RNF168: variants seen among roughly 807,000 people sequenced by gnomAD.
RNF168 encodes ring finger protein 168.
A neutral mutation model predicts 34.9 loss-of-function variants in RNF168; 34 were observed. The ratio of observed to expected loss-of-function variants is 0.97; its 90% CI spans 0.74 to 1.30. The LOEUF (loss-of-function observed/expected upper bound fraction) is 1.30. Among genes scored for constraint, RNF168 ranks in the 50% most tolerant of loss-of-function variants. RNF168 has a pLI of 0.00. For synonymous variants in RNF168, 264 were observed against 254.7 expected (o/e 1.04, Z -0.35); for missense variants, 725 against 682.5 (o/e 1.06, Z -0.69).
chr3:196,487,342 C>T, intron 3 of RNF168, 57 bp downstream of exon 3: 2 of 1,402,492 alleles, frequency 1.4e-6, no homozygotes, highest in Non-Finnish European at 2.0e-6. Context: ...TGAGCGGGTT[C>T]TGCAGCAGCG....
Position 196,472,315 on chromosome 3 carries a change from C to T in RNF168, c.1220G>A (p.Arg407Lys). The change falls in exon 6 of 6, where the codon AGA (arginine) becomes AAA (lysine). Residue 407 changes from arginine (R) to lysine (K), a missense_variant. Arg to Lys is a conservative substitution (Grantham distance 26). Transcript: ENST00000318037. ...GGAAGATTCGGGGGACACTTTTCTTCTTTTTGCAGAAAAGCATGGATCCTT... is the reference window on the plus strand; with the variant it reads ...GGAAGATTCGGGGGACACTTTTCTTTTTTTTGCAGAAAAGCATGGATCCTT... Reference protein sequence around the residue: ...AVKDPCFSAKRRKVSPESSPD... With the variant: ...AVKDPCFSAKKRKVSPESSPD... 1 of 1,614,008 alleles carries T rather than the reference C, an allele frequency of 6.2e-7. No individual in the cohort carries two copies. Among genetic ancestry groups the T allele is most frequent in the East Asian group, 2.2e-5 (1 of 44,886 alleles).
At chr3:196,473,680 C>T (rs971546495) in intron 5 of RNF168, among the ~76,000 whole-genome samples, 9 of 152,098 alleles carry the variant, frequency 5.9e-5, no homozygotes, top group African/African-American at 1.7e-4. Context: ...CATGATGAAA[C>T]CCCATCTCTA....
Position 196,471,942 on chromosome 3 carries a change from A to G in RNF168, c.1593T>C (p.Val531=). Residue 531 remains valine, a synonymous_variant, in exon 6 of 6, where the codon GTT becomes GTC. Transcript: ENST00000318037. ...TAGAATTTGGCATCTTTCTTCTATTAACTGACTGCTTCAACTGCATCTTTA... is the reference window on the plus strand; with the variant it reads ...TAGAATTTGGCATCTTTCTTCTATTGACTGACTGCTTCAACTGCATCTTTA... ...VSLKMQLKQS[V]NRRKMPNSTR... 6.2e-7 allele frequency: 1 copy of G among 1,614,066 alleles called. No individual in the cohort carries two copies. Among genetic ancestry groups the G allele is most frequent in the Non-Finnish European group, 8.5e-7 (1 of 1,179,914 alleles).
At chr3:196,495,968 CAT>C (rs1193335096) in intron 1 of RNF168, among the ~76,000 whole-genome samples, 1 of 152,178 alleles carries the variant, frequency 6.6e-6, no homozygotes, top group Admixed American at 6.5e-5. Context: ...AAAGCTATCT[CAT>C]ATGTGCTTTC....
Position 196,472,665 on chromosome 3 carries a change from T to C in RNF168, c.870A>G (p.Ala290=), listed in dbSNP as rs781535971. The C allele has an allele frequency of 2.2e-5, 36 of 1,606,242 alleles. No individual in the cohort carries two copies. The highest frequency in any genetic ancestry group is 3.0e-5 in the Non-Finnish European group (35 of 1,173,474). The part of the protein sequence containing the change: ...QISLGVGEQG[A]DSSIESPMPW... Reference sequence around the variant, plus strand: ...GCATAGGGGACTCTATTGAAGAATCTGCACCTTGTTCTCCAACTCCAAGGG... The same window carrying C: ...GCATAGGGGACTCTATTGAAGAATCCGCACCTTGTTCTCCAACTCCAAGGG... The change falls in exon 6 of 6, where the codon GCA becomes GCG. Residue 290 remains alanine, a synonymous_variant. Transcript: ENST00000318037.
In RNF168 at chr3:196,471,727, A is replaced by G. The variant is rs546134516; in HGVS notation, c.*92T>C. Reference sequence around the variant, plus strand: ...AGGACAATGAGTGTGCCTAGAGAGCAGCATGAATGACACATGGATGAAGAT... The same window carrying G: ...AGGACAATGAGTGTGCCTAGAGAGCGGCATGAATGACACATGGATGAAGAT... On this transcript the variant is annotated 3_prime_UTR_variant, in exon 6 of 6. Transcript: ENST00000318037. The G allele has an allele frequency of 5.8e-6, 5 of 858,918 alleles. No homozygotes were observed. In the Admixed American group the frequency reaches 7.3e-5, roughly 12 times the overall value. The allele number at this position is 858,918 out of a possible 1,614,324, so 53.2% of individuals were successfully genotyped here.
intron 1 of RNF168, among the ~76,000 whole-genome samples, chr3:196,490,969 T>C (rs1253072572): frequency 4.6e-5 from 7 of 152,096 alleles, no homozygotes; most frequent in Admixed American, 4.6e-4. Context: ...ACCCTGGAGG[T>C]ATCTGAGACT....
intron 1 of RNF168, among the ~76,000 whole-genome samples, chr3:196,497,667 C>CAA (rs112193501): frequency 7.4e-6 from 1 of 135,992 alleles, no homozygotes; most frequent in Non-Finnish European, 1.6e-5. Flanking sequence ...ATTCAGTCTC[C>CAA]AAAAAAAAAA....
At chr3:196,478,691 G>A (rs372515352) in intron 4 of RNF168, among the ~76,000 whole-genome samples, 1 of 141,162 alleles carries the variant, frequency 7.1e-6, no homozygotes, top group African/African-American at 3.2e-5. Flanking sequence ...TTGGGGGACA[G>A]AGTCTCACTC....
chr3:196,476,397 T>G (rs1245258820), intron 4 of RNF168, among the ~76,000 whole-genome samples: 1 of 151,784 alleles, frequency 6.6e-6, no homozygotes, highest in Non-Finnish European at 1.5e-5. Flanking sequence ...TTATCATACA[T>G]ACTTTTATAT....
Position 196,500,235 on chromosome 3 carries a change from C to T in RNF168, c.301+2638G>A, listed in dbSNP as rs115321043. 6.6e-3 allele frequency among the ~76,000 whole-genome samples: 999 copies of T among 152,226 alleles called. 7 individuals are homozygous for T. The highest frequency in any genetic ancestry group is 0.011 in the Non-Finnish European group (752 of 68,018). The stretch of plus-strand genomic sequence containing the variant: ...TCACACCAGCATTATTTCTAATAGC[C>T]GAGAAGTGGAAGCAAGCCAAGTGTC... On this transcript the variant is annotated intron_variant, in intron 1 of 5. Coordinates refer to ENST00000318037, the MANE Select transcript of RNF168 (RefSeq NM_152617.4).
chr3:196,489,576 C>T (rs1455303903), intron 1 of RNF168, among the ~76,000 whole-genome samples: 1 of 152,152 alleles, frequency 6.6e-6, no homozygotes, highest in African/African-American at 2.4e-5. Context: ...ATCTGCTCAC[C>T]TCAGCCTCCC....
At position 196,471,581 on chromosome 3, in the gene RNF168, T is replaced by C. The variant is rs578135772; in HGVS notation, c.*238A>G. The C allele has an allele frequency of 5.0e-4, 237 of 478,052 alleles. No homozygotes were observed. The highest frequency in any genetic ancestry group is 8.2e-4 in the Non-Finnish European group (217 of 264,788). The allele number at this position is 478,052 out of a possible 1,614,324, so 29.6% of individuals were successfully genotyped here. Reference sequence around the variant, plus strand: ...CAAAGCTTAAGATATCTCTAAGAATTGTAAAGCTTAATACACATCTGTTAT... The same window carrying C: ...CAAAGCTTAAGATATCTCTAAGAATCGTAAAGCTTAATACACATCTGTTAT... On this transcript the variant is annotated 3_prime_UTR_variant, in exon 6 of 6. Transcript: ENST00000318037.
chr3:196,484,264 C>G (rs1732368901), intron 3 of RNF168, among the ~76,000 whole-genome samples: 1 of 150,530 alleles, frequency 6.6e-6, no homozygotes, highest in Non-Finnish European at 1.5e-5. Flanking sequence ...TCCACCCCCG[C>G]AGGTTCATGC....
At chr3:196,488,256 C>T (rs1269538892) in intron 2 of RNF168, among the ~76,000 whole-genome samples, 2 of 151,926 alleles carry the variant, frequency 1.3e-5, no homozygotes, top group East Asian at 1.9e-4. Context: ...CCGAGGCGGG[C>T]GGATCACAAG....
At chr3:196,489,042 G>A (rs1411632351) in intron 1 of RNF168, among the ~76,000 whole-genome samples, 2 of 151,972 alleles carry the variant, frequency 1.3e-5, no homozygotes, top group Non-Finnish European at 2.9e-5. Context: ...TTTTGGTAGA[G>A]TCAGGGTTTC....
At chr3:196,485,566 A>C (rs2108649437) in intron 3 of RNF168, among the ~76,000 whole-genome samples, 1 of 152,166 alleles carries the variant, frequency 6.6e-6, no homozygotes. Context: ...AAAACTAGAT[A>C]TACTTCTTCC....
Position 196,472,477 on chromosome 3 carries a change from CTTT to C in RNF168, c.1055_1057del (p.Glu352_Ser353delinsGly). ...CACCCCTGATGTGGGGGCGCACCCA[CTTT>C]CTGTTCTGCCACAAGGCATAACTGC... On this transcript the variant is annotated inframe_deletion, in exon 6 of 6. Transcript: ENST00000318037. 6.2e-7 allele frequency: 1 copy of C among 1,614,232 alleles called. No homozygotes were observed. The highest frequency in any genetic ancestry group is 1.7e-5 in the Admixed American group (1 of 60,024).
At chr3:196,475,341 T>A in intron 4 of RNF168, 29 bp from the exon 5 acceptor site, 1 of 1,354,706 alleles carries the variant, frequency 7.4e-7, no homozygotes, top group Non-Finnish European at 1.1e-6. Flanking sequence ...AAAGTTTCAA[T>A]GCTTTCAAAG....
Sources: allele counts gnomAD v4.1 joint callset (sites outside exome capture counted in the v4.1 genomes callset), GRCh38; gene constraint gnomAD v4.1.1; transcripts MANE v1.5; gene names NCBI Gene and HGNC (gene_info 2026-07-23, HGNC 2026-07-21).